ADCY10: variants seen among roughly 807,000 people sequenced by gnomAD.
The protein encoded by ADCY10 is adenylate cyclase type 10.
Under a neutral mutation model 183.3 loss-of-function variants are expected in ADCY10, and 156 were observed. That is an observed-to-expected ratio of 0.85 (90% confidence interval 0.75 to 0.97). ADCY10 has a LOEUF of 0.97. ADCY10 is among the 50% of genes least tolerant of loss of function. The pLI is 0.00. For synonymous variants in ADCY10, 645 were observed against 670.0 expected (o/e 0.96, Z 0.58); for missense variants, 1,745 against 1,934.3 (o/e 0.90, Z 1.84).
In ADCY10 at chr1:167,861,024, T is replaced by C. The variant is rs1666245264; in HGVS notation, c.1656A>G (p.Gln552=). 2 of 1,614,184 alleles carry C rather than the reference T, an allele frequency of 1.2e-6. No homozygotes were observed. Among genetic ancestry groups the C allele is most frequent in the Non-Finnish European group, 1.7e-6 (2 of 1,180,016 alleles). Residue 552 remains glutamine, a synonymous_variant, in exon 15 of 33, where the codon CAA becomes CAG. Transcript: ENST00000367851. The stretch of plus-strand genomic sequence containing the variant: ...TGAACATCTGGATGGTATAGAAAGT[T>C]TGATGGAAGCTGATCTTATTCAATG... ...AISLNKISFH[Q]TFYTIQMFMA...
chr1:167,841,139 A>G (rs943302730), intron 21 of ADCY10, among the ~76,000 whole-genome samples: 1 of 152,046 alleles, frequency 6.6e-6, no homozygotes, highest in African/African-American at 2.4e-5. Flanking sequence ...GGGAGAGTTC[A>G]TCATGCTTCT....
At chr1:167,888,602 C>A (rs148002810) in intron 8 of ADCY10, among the ~76,000 whole-genome samples, 2 of 152,012 alleles carry the variant, frequency 1.3e-5, no homozygotes, top group East Asian at 1.9e-4. Context: ...TTGGGCCGGG[C>A]GCGGTGGCTC....
At chr1:167,860,507 A>T (rs1666212257) in intron 15 of ADCY10, among the ~76,000 whole-genome samples, 1 of 152,198 alleles carries the variant, frequency 6.6e-6, no homozygotes, top group African/African-American at 2.4e-5. Flanking sequence ...ATGAACTAGT[A>T]CCAGGGGTTG....
intron 13 of ADCY10, among the ~76,000 whole-genome samples, chr1:167,870,682 G>A (rs1350922532): frequency 6.6e-6 from 1 of 151,034 alleles, no homozygotes; most frequent in Non-Finnish European, 1.5e-5. Flanking sequence ...GGTGGCGGGT[G>A]CCTGTAGTCC....
chr1:167,856,199 G>C lies in ADCY10; in HGVS notation c.2137C>G (p.Leu713Val), dbSNP rs770270446. 9.3e-6 allele frequency: 15 copies of C among 1,613,920 alleles called. No homozygotes were observed. Among genetic ancestry groups the C allele is most frequent in the Non-Finnish European group, 1.2e-5 (14 of 1,179,856 alleles). ...NDISNKICLD[L>V]NVSCISKELD... ...TCTTTGGAGATGCAGCTCACATTGA[G>C]GTCAAGACAGATCTTGTTGGAGATG... The change falls in exon 17 of 33, where the codon CTC becomes GTC. Residue 713 changes from leucine to valine, a missense_variant. Leu to Val is a conservative substitution (Grantham distance 32). Transcript: ENST00000367851.
chr1:167,882,761 C>T (rs60690559), intron 9 of ADCY10, among the ~76,000 whole-genome samples: 10,863 of 152,220 alleles, frequency 0.071, 579 homozygotes, highest in East Asian at 0.26. Flanking sequence ...ACGGGGATGG[C>T]AGACTGCCTG....
Position 167,832,937 on chromosome 1 carries a change from C to T in ADCY10, c.3593+50G>A, listed in dbSNP as rs186339178. Reference sequence around the variant, plus strand: ...GCTGACTTGGATTATGTGTAGGCCTCTCTGGGGAGTGAGACTAAACAGTCT... The same window carrying T: ...GCTGACTTGGATTATGTGTAGGCCTTTCTGGGGAGTGAGACTAAACAGTCT... On this transcript the variant is annotated intron_variant, in intron 25 of 32. Coordinates refer to ENST00000367851, the MANE Select transcript of ADCY10 (RefSeq NM_018417.6). The T allele has an allele frequency of 2.2e-4, 357 of 1,595,576 alleles. 1 individual carries two copies. The African/African-American group carries it at 4.2e-3, about 19-fold the overall frequency.
chr1:167,827,406 T>C (rs1387367354), intron 26 of ADCY10, among the ~76,000 whole-genome samples: 1 of 151,348 alleles, frequency 6.6e-6, no homozygotes, highest in Admixed American at 6.6e-5. Context: ...TACCTTGTGA[T>C]CCGCCCACCT....
At chr1:167,880,424 C>A in intron 10 of ADCY10, 67 bp downstream of exon 10, 1 of 1,173,654 alleles carries the variant, frequency 8.5e-7, no homozygotes. Context: ...CTGTTCCCTG[C>A]ATGCCCTCCC....
chr1:167,913,333 C>T lies in ADCY10; in HGVS notation c.-59+643G>A, dbSNP rs1670271560. Reference sequence around the variant, plus strand: ...TATTCATCAGTTTCTCTAAATCTCTCCTCTAGAATTTCCTAATAGATTTTA... The same window carrying T: ...TATTCATCAGTTTCTCTAAATCTCTTCTCTAGAATTTCCTAATAGATTTTA... On this transcript the variant is annotated intron_variant, in intron 1 of 32. Transcript: ENST00000367851. Among the ~76,000 whole-genome samples the T allele has an allele frequency of 2.6e-5, 4 of 152,194 alleles. No homozygotes were observed. The South Asian group carries it at 8.3e-4, about 31-fold the overall frequency.
chr1:167,839,988 G>T (rs204270), intron 21 of ADCY10, among the ~76,000 whole-genome samples: 1 of 151,676 alleles, frequency 6.6e-6, no homozygotes, highest in African/African-American at 2.4e-5. Context: ...GGGAGGCTGA[G>T]GTGGGAGGAT....
At chr1:167,875,926 G>A (rs112285782) in intron 12 of ADCY10, among the ~76,000 whole-genome samples, 10,345 of 151,654 alleles carry the variant, frequency 0.068, 401 homozygotes, top group Middle Eastern at 0.11. Context: ...GCACTCCAGC[G>A]TGGGCAGCAG....
At chr1:167,878,755 G>A (rs1667671667) in intron 11 of ADCY10, 120 bp from the exon 12 acceptor site, 7 of 999,216 alleles carry the variant, frequency 7.0e-6, no homozygotes, top group Admixed American at 2.0e-5. Context: ...GTTCATGAGT[G>A]ACACAGAAGC....
chr1:167,844,104 GATA>G (rs1664837657), intron 21 of ADCY10, among the ~76,000 whole-genome samples: 1 of 152,246 alleles, frequency 6.6e-6, no homozygotes, highest in South Asian at 2.1e-4. Flanking sequence ...CCACTTTTGT[GATA>G]ATAATATTAC....
chr1:167,899,772 T>G, intron 5 of ADCY10, 144 bp from the exon 6 acceptor site: 3 of 777,498 alleles, frequency 3.9e-6, no homozygotes, highest in Non-Finnish European at 6.5e-6. Context: ...ATAGGAATTA[T>G]GGCATACCTC....
chr1:167,853,830 C>CTTTTTTTTTTTTTTTTT lies in ADCY10; in HGVS notation c.2308+506_2308+522dup, dbSNP rs538462140. On this transcript the variant is annotated intron_variant, in intron 18 of 32. Transcript: ENST00000367851. ...TGTTCTTTCATTTCTACTATAGTTA[C>CTTTTTTTTTTTTTTTTT]TTTTTTTTTTTTTTTTTTTTTTTTT... Among the ~76,000 whole-genome samples, 51 of 77,184 alleles carry CTTTTTTTTTTTTTTTTT rather than the reference C, an allele frequency of 6.6e-4. 5 individuals are homozygous for CTTTTTTTTTTTTTTTTT. The highest frequency in any genetic ancestry group is 1.2e-3 in the African/African-American group (22 of 18,128). The allele number at this position is 77,184 out of a possible 152,430, so 50.6% of individuals were successfully genotyped here.
In ADCY10 at chr1:167,904,015, T is replaced by G. The variant is rs768634552; in HGVS notation, c.149-24A>C. 34 of 1,540,942 alleles carry G rather than the reference T, an allele frequency of 2.2e-5. No individual in the cohort carries two copies. The Middle Eastern group carries it at 6.7e-4, about 30-fold the overall frequency. On this transcript the variant is annotated intron_variant, in intron 2 of 32. Coordinates refer to ENST00000367851, the MANE Select transcript of ADCY10 (RefSeq NM_018417.6). ...ACCTGGAATAAATGTGCAGCTGGTT[T>G]CCTTGGCTGCTTGGGGGAATCAAAC...
intron 13 of ADCY10, 75 bp downstream of exon 13, chr1:167,875,056 T>C (rs1667354851): frequency 1.7e-6 from 2 of 1,171,692 alleles, no homozygotes; most frequent in Admixed American, 1.7e-5. Context: ...AGCTGCACAG[T>C]TATCATTGAT....
intron 21 of ADCY10, among the ~76,000 whole-genome samples, chr1:167,838,688 T>C (rs1017992231): frequency 6.6e-6 from 1 of 152,226 alleles, no homozygotes; most frequent in Non-Finnish European, 1.5e-5. Context: ...GGATTTCCAT[T>C]TTATATATCT....
Sources: gnomAD v4.1 joint callset for allele counts (sites outside exome capture counted in the v4.1 genomes callset) on GRCh38, gnomAD v4.1.1 for gene constraint, MANE v1.5 for transcripts, NCBI Gene and HGNC (gene_info 2026-07-23, HGNC 2026-07-21) for gene names.